The following CNTNAP5 variants were observed in gnomAD, a reference collection of about 807,000 sequenced individuals.
CNTNAP5 encodes contactin-associated protein-like 5.
In CNTNAP5, 72 loss-of-function variants were observed where a neutral mutation model predicts 150.2. That is an observed-to-expected ratio of 0.48 (90% confidence interval 0.40 to 0.58). The LOEUF (loss-of-function observed/expected upper bound fraction) is 0.58, where lower values mean the gene tolerates loss of function less well. CNTNAP5 is among the 20% of genes least tolerant of loss of function. The pLI is 0.00. For synonymous variants in CNTNAP5, 672 were observed against 619.8 expected (o/e 1.08, Z -1.25); for missense variants, 1,636 against 1,626.2 (o/e 1.01, Z -0.10).
At chr2:124,607,494 T>C (rs1333371092) in intron 11 of CNTNAP5, among the ~76,000 whole-genome samples, 1 of 152,128 alleles carries the variant, frequency 6.6e-6, no homozygotes, top group Non-Finnish European at 1.5e-5. Context: ...CATATTCTAT[T>C]TGTTAGAGCA....
chr2:124,334,848 T>A (rs1476591813), intron 3 of CNTNAP5, among the ~76,000 whole-genome samples: 1 of 152,140 alleles, frequency 6.6e-6, no homozygotes, highest in Non-Finnish European at 1.5e-5. Flanking sequence ...TAGAAGACTT[T>A]CCAACTTAAA....
At chr2:124,615,977 C>T (rs906718324) in intron 12 of CNTNAP5, among the ~76,000 whole-genome samples, 3 of 152,058 alleles carry the variant, frequency 2.0e-5, no homozygotes, top group Non-Finnish European at 4.4e-5. Context: ...CAGGAGTTCT[C>T]AATGGTGGGC....
At chr2:124,234,344 A>G (rs1223889977) in intron 2 of CNTNAP5, among the ~76,000 whole-genome samples, 1 of 152,164 alleles carries the variant, frequency 6.6e-6, no homozygotes, top group Non-Finnish European at 1.5e-5. Context: ...CCGATAGAAA[A>G]TTCTGCAAGG....
chr2:124,669,929 C>G (rs894598867), intron 13 of CNTNAP5, among the ~76,000 whole-genome samples: 7 of 152,150 alleles, frequency 4.6e-5, no homozygotes, highest in African/African-American at 1.4e-4. Flanking sequence ...TCTCAAACAC[C>G]TCTCAGTTAT....
At chr2:124,614,674 G>A (rs143676845) in intron 12 of CNTNAP5, among the ~76,000 whole-genome samples, 2 of 152,250 alleles carry the variant, frequency 1.3e-5, no homozygotes, top group East Asian at 1.9e-4. Context: ...TGTATAATGA[G>A]CAGTGAGGAT....
chr2:124,779,355 G>T (rs1681400286), intron 17 of CNTNAP5, among the ~76,000 whole-genome samples: 1 of 152,176 alleles, frequency 6.6e-6, no homozygotes, highest in Non-Finnish European at 1.5e-5. Context: ...TCACTTTTCT[G>T]CCCATTCATA....
intron 19 of CNTNAP5, among the ~76,000 whole-genome samples, chr2:124,801,765 T>C (rs1406819821): frequency 2.6e-5 from 4 of 152,094 alleles, no homozygotes; most frequent in African/African-American, 9.7e-5. Context: ...CAGAGAATCA[T>C]GGGGGGTGAG....
chr2:124,632,103 G>T (rs1246342311), intron 12 of CNTNAP5, among the ~76,000 whole-genome samples: 1 of 152,072 alleles, frequency 6.6e-6, no homozygotes, highest in Non-Finnish European at 1.5e-5. Context: ...TACTCTTGGT[G>T]GGAATCTAAA....
At chr2:124,430,932 CT>C (rs1279346569) in intron 4 of CNTNAP5, among the ~76,000 whole-genome samples, 4 of 152,044 alleles carry the variant, frequency 2.6e-5, no homozygotes, top group Admixed American at 6.6e-5. Context: ...TGTTGAATGC[CT>C]TTGTATTTTC....
At chr2:124,299,652 C>T (rs921498269) in intron 3 of CNTNAP5, among the ~76,000 whole-genome samples, 3 of 151,974 alleles carry the variant, frequency 2.0e-5, no homozygotes, top group Admixed American at 6.6e-5. Context: ...TGAACATGTG[C>T]GTGCGTGTGT....
At chr2:124,558,176 T>TC (rs1434448122) in intron 10 of CNTNAP5, among the ~76,000 whole-genome samples, 1 of 152,184 alleles carries the variant, frequency 6.6e-6, no homozygotes, top group Non-Finnish European at 1.5e-5. Context: ...ATTGCAGTTA[T>TC]TCTGGTGAGT....
chr2:124,446,012 C>T (rs2104805672), intron 5 of CNTNAP5, among the ~76,000 whole-genome samples: 1 of 152,116 alleles, frequency 6.6e-6, no homozygotes, highest in African/African-American at 2.4e-5. Flanking sequence ...AGCTGCATCT[C>T]TCATGTCTTC....
At chr2:124,728,685 A>C (rs1324444986) in intron 13 of CNTNAP5, among the ~76,000 whole-genome samples, 2 of 152,032 alleles carry the variant, frequency 1.3e-5, no homozygotes, top group Non-Finnish European at 2.9e-5. Context: ...AAAATGCTTC[A>C]TGGGAGAGGT....
chr2:124,850,681 C>A (rs920080951), intron 19 of CNTNAP5, among the ~76,000 whole-genome samples: 1 of 151,960 alleles, frequency 6.6e-6, no homozygotes, highest in Non-Finnish European at 1.5e-5. Flanking sequence ...GTTCCTAGAC[C>A]GAGCCCGGGG....
Position 124,790,023 on chromosome 2 carries a change from C to T in CNTNAP5, c.2874C>T (p.Pro958=), listed in dbSNP as rs745860435. The change falls in exon 18 of 24, where the codon CCC becomes CCT. Residue 958 remains proline (P), a synonymous_variant. Coordinates refer to ENST00000682447, the MANE Select transcript of CNTNAP5 (RefSeq NM_001367498.1). ...KVTSGVRPGC[P]GHCSSYGSIC... is the part of the protein sequence containing the mutation. ...CATCTGGAGTCAGGCCAGGCTGCCCCGGCCACTGCAGCAGCTACGGCAGCA... is the reference window on the plus strand; with the variant it reads ...CATCTGGAGTCAGGCCAGGCTGCCCTGGCCACTGCAGCAGCTACGGCAGCA... 7.4e-5 allele frequency: 120 copies of T among 1,613,770 alleles called. No homozygotes were observed. The Middle Eastern group carries it at 8.2e-4, about 11-fold the overall frequency.
At chr2:124,569,107 TAAAC>T (rs764597819) in intron 11 of CNTNAP5, among the ~76,000 whole-genome samples, 21 of 152,146 alleles carry the variant, frequency 1.4e-4, no homozygotes, top group South Asian at 2.1e-4. Flanking sequence ...ATGGTTTACT[TAAAC>T]AAACCTCAGA....
chr2:124,787,014 C>T (rs762877719), intron 17 of CNTNAP5, among the ~76,000 whole-genome samples: 9 of 152,158 alleles, frequency 5.9e-5, no homozygotes, highest in Non-Finnish European at 2.9e-5. Flanking sequence ...ATTTGTGTCA[C>T]TATCACCAGG....
intron 3 of CNTNAP5, among the ~76,000 whole-genome samples, chr2:124,264,403 C>T (rs1187378707): frequency 6.0e-5 from 9 of 148,960 alleles, no homozygotes; most frequent in East Asian, 3.9e-4. Flanking sequence ...CACACACACA[C>T]ACACACACAC....
chr2:124,092,522 G>A lies in CNTNAP5; in HGVS notation c.82+66790G>A, dbSNP rs13406788. Among the ~76,000 whole-genome samples the A allele has an allele frequency of 4.7e-3, 708 of 152,208 alleles. 6 individuals carry two copies. Among genetic ancestry groups the A allele is most frequent in the African/African-American group, 0.015 (635 of 41,534 alleles). On this transcript the variant is annotated intron_variant, in intron 1 of 23. Coordinates refer to ENST00000682447, the MANE Select transcript of CNTNAP5 (RefSeq NM_001367498.1). ...TTTAATCCTTTCAATGTATAGATGA[G>A]GTGACAAAAAGACAGATGAGTTTAG...
Sources: allele counts gnomAD v4.1 joint callset (sites outside exome capture counted in the v4.1 genomes callset), GRCh38; gene constraint gnomAD v4.1.1; transcripts MANE v1.5; gene names NCBI Gene and HGNC (gene_info 2026-07-23, HGNC 2026-07-21).